The following SCN2A variants were observed in gnomAD, a reference collection of about 807,000 sequenced individuals.
SCN2A encodes sodium voltage-gated channel alpha subunit 2.
A neutral mutation model predicts 188.7 loss-of-function variants in SCN2A; 20 were observed. The ratio of observed to expected loss-of-function variants is 0.11; its 90% CI spans 0.07 to 0.15. The LOEUF is 0.15. Among genes scored for constraint, SCN2A ranks in the 10% least tolerant of loss-of-function variants. SCN2A has a pLI of 1.00. For synonymous variants in SCN2A, 804 were observed against 833.1 expected, an observed-to-expected ratio of 0.97 and a Z score of 0.60; for missense variants, 1,278 against 2,445.0, an observed-to-expected ratio of 0.52 and a Z score of 10.07.
chr2:165,312,053 T>C lies in SCN2A; in HGVS notation c.999T>C (p.Asn333=). Residue 333 remains asparagine (N), a synonymous_variant, in exon 8 of 27, where the codon AAT becomes AAC. Coordinates refer to ENST00000375437, the MANE Select transcript of SCN2A (RefSeq NM_001040142.2). The part of the protein sequence containing the change: ...KSHFYFLEGQ[N]DALLCGNSSD... Reference sequence around the variant, plus strand: ...ACTTTTATTTTTTAGAGGGGCAAAATGATGCTCTGCTTTGTGGCAACAGCT... The same window carrying C: ...ACTTTTATTTTTTAGAGGGGCAAAACGATGCTCTGCTTTGTGGCAACAGCT... 1 of 1,612,634 alleles carries C rather than the reference T, an allele frequency of 6.2e-7. No homozygotes were observed. The highest frequency in any genetic ancestry group is 8.5e-7 in the Non-Finnish European group (1 of 1,179,178).
intron 12 of SCN2A, 67 bp downstream of exon 12, chr2:165,323,567 C>G: frequency 1.4e-6 from 2 of 1,409,066 alleles, no homozygotes; most frequent in Non-Finnish European, 2.0e-6. Context: ...GAGTGTTTTT[C>G]CATTTCCACA....
intron 3 of SCN2A, among the ~76,000 whole-genome samples, chr2:165,297,525 T>A (rs1696573158): frequency 6.6e-6 from 1 of 152,214 alleles, no homozygotes; most frequent in Admixed American, 6.5e-5. Flanking sequence ...ATTTGGAAAA[T>A]AAATATACAT....
intron 14 of SCN2A, among the ~76,000 whole-genome samples, chr2:165,332,365 A>G (rs978553099): frequency 6.6e-6 from 1 of 152,094 alleles, no homozygotes; most frequent in African/African-American, 2.4e-5. Context: ...GACTTAACTG[A>G]ATTAAATGAT....
chr2:165,381,720 A>G (rs1701611110), intron 25 of SCN2A, among the ~76,000 whole-genome samples: 1 of 151,930 alleles, frequency 6.6e-6, no homozygotes, highest in Non-Finnish European at 1.5e-5. Flanking sequence ...CCACCCTTAA[A>G]TGAGATGATA....
At chr2:165,335,889 A>G (rs941002564) in intron 14 of SCN2A, among the ~76,000 whole-genome samples, 1 of 151,912 alleles carries the variant, frequency 6.6e-6, no homozygotes, top group African/African-American at 2.4e-5. Context: ...GGATTATTAT[A>G]ACTCCACAAC....
rs80096044 is a variant in SCN2A at position 165,272,015 on chromosome 2, C to T, written c.-51-23758C>T. 7.2e-5 allele frequency: 11 copies of T among 152,114 alleles called. No homozygotes were observed. The East Asian group carries it at 1.7e-3, about 24-fold the overall frequency. The allele number at this position is 152,114 out of a possible 1,614,324, so 9.4% of individuals were successfully genotyped here. A position where few individuals can be genotyped will look rare whatever the true frequency, so the allele number is the denominator to read the frequency against. ...GTTTTAACTAGTATAAAAAAGTTTA[C>T]TATGAACATTCTTGCATAGGTCTTT... On this transcript the variant is annotated intron_variant, in intron 1 of 26. Coordinates refer to ENST00000375437, the MANE Select transcript of SCN2A (RefSeq NM_001040142.2).
intron 12 of SCN2A, among the ~76,000 whole-genome samples, chr2:165,324,065 C>T (rs1698225843): frequency 6.6e-6 from 1 of 152,168 alleles, no homozygotes; most frequent in Non-Finnish European, 1.5e-5. Flanking sequence ...GGTTTGGAAT[C>T]ATGGGCTGTC....
chr2:165,280,664 C>T (rs1695544999), intron 1 of SCN2A, among the ~76,000 whole-genome samples: 1 of 152,150 alleles, frequency 6.6e-6, no homozygotes, highest in Non-Finnish European at 1.5e-5. Context: ...ATAATTTGTA[C>T]TCCAAAGTTG....
chr2:165,360,348 T>G (rs570744745), intron 17 of SCN2A, among the ~76,000 whole-genome samples: 2 of 152,004 alleles, frequency 1.3e-5, no homozygotes, highest in South Asian at 2.1e-4. Context: ...TTTAGTAGTA[T>G]TATTAAAGCA....
At chr2:165,244,266 A>G in intron 1 of SCN2A, among the ~76,000 whole-genome samples, 1 of 152,084 alleles carries the variant, frequency 6.6e-6, no homozygotes. Context: ...AAATAAATAG[A>G]AAAGGAAAGG....
chr2:165,336,926 A>T (rs1699031502), intron 14 of SCN2A, among the ~76,000 whole-genome samples: 1 of 152,004 alleles, frequency 6.6e-6, no homozygotes, highest in Admixed American at 6.6e-5. Context: ...AAATTAGATG[A>T]TATGCAACGA....
At chr2:165,351,840 G>T (rs993465670) in intron 16 of SCN2A, among the ~76,000 whole-genome samples, 2 of 150,228 alleles carry the variant, frequency 1.3e-5, no homozygotes, top group Admixed American at 6.6e-5. Context: ...CTGACCAAAA[G>T]ATCTCCCAAT....
chr2:165,290,280 C>T (rs1024773261), intron 1 of SCN2A, among the ~76,000 whole-genome samples: 1 of 152,086 alleles, frequency 6.6e-6, no homozygotes, highest in African/African-American at 2.4e-5. Flanking sequence ...GTATAGTCAT[C>T]CTACAGTGCT....
chr2:165,295,608 A>G (rs1226725347), intron 1 of SCN2A, among the ~76,000 whole-genome samples, 165 bp from the exon 2 acceptor site: 1 of 152,238 alleles, frequency 6.6e-6, no homozygotes, highest in African/African-American at 2.4e-5. Flanking sequence ...ATGTGAGCAA[A>G]TGGATGCACA....
intron 3 of SCN2A, 97 bp from the exon 4 acceptor site, chr2:165,307,751 A>G (rs1697214808): frequency 2.4e-6 from 2 of 836,522 alleles, no homozygotes; most frequent in South Asian, 2.7e-5. Flanking sequence ...AAATAATAGT[A>G]AGCACTAAAG....
chr2:165,289,853 G>T (rs2106135177), intron 1 of SCN2A, among the ~76,000 whole-genome samples: 1 of 152,266 alleles, frequency 6.6e-6, no homozygotes, highest in South Asian at 2.1e-4. Flanking sequence ...GGGAGAGAAA[G>T]AGGTGACTCT....
intron 1 of SCN2A, among the ~76,000 whole-genome samples, chr2:165,246,014 G>A (rs1184629424): frequency 6.6e-6 from 1 of 151,974 alleles, no homozygotes; most frequent in Non-Finnish European, 1.5e-5. Context: ...CTCCAATAAT[G>A]TTAAGCCTGA....
At chr2:165,339,414 G>GA (rs1388253173) in intron 14 of SCN2A, among the ~76,000 whole-genome samples, 105 of 145,968 alleles carry the variant, frequency 7.2e-4, no homozygotes, top group Non-Finnish European at 1.2e-3. Flanking sequence ...TGAACTAAAG[G>GA]AAAAAAAAAC....
chr2:165,343,252 C>A (rs1223075444), intron 15 of SCN2A, among the ~76,000 whole-genome samples: 1 of 152,164 alleles, frequency 6.6e-6, no homozygotes, highest in East Asian at 1.9e-4. Flanking sequence ...AGGCTGAAGA[C>A]TTTTTCATGA....
Sources: gnomAD v4.1 joint callset for allele counts (sites outside exome capture counted in the v4.1 genomes callset) on GRCh38, gnomAD v4.1.1 for gene constraint, MANE v1.5 for transcripts, NCBI Gene and HGNC (gene_info 2026-07-23, HGNC 2026-07-21) for gene names.